The following AGBL4 variants were observed in gnomAD, a reference collection of about 807,000 sequenced individuals.
AGBL4 encodes the protein cytosolic carboxypeptidase 6.
In AGBL4, 58 loss-of-function variants were observed where a neutral mutation model predicts 66.4. That is an observed-to-expected ratio of 0.87 (90% CI 0.71 to 1.09). The LOEUF is 1.09. Among genes scored for constraint, AGBL4 ranks in the 50% least tolerant of loss-of-function variants. AGBL4 has a pLI of 0.00. For synonymous variants in AGBL4, 234 were observed against 222.9 expected, an observed-to-expected ratio of 1.05 and a Z score of -0.44; for missense variants, 579 against 631.0, an observed-to-expected ratio of 0.92 and a Z score of 0.88.
intron 5 of AGBL4, among the ~76,000 whole-genome samples, chr1:48,927,907 T>C (rs1238369018): frequency 6.6e-6 from 1 of 152,232 alleles, no homozygotes; most frequent in East Asian, 1.9e-4. Context: ...ATGCCTAATA[T>C]GCCTTTCTTA....
intron 3 of AGBL4, among the ~76,000 whole-genome samples, chr1:49,458,895 T>C (rs1027897934): frequency 1.3e-5 from 2 of 151,878 alleles, no homozygotes; most frequent in African/African-American, 4.8e-5. Context: ...CATCCCTGCA[T>C]CCCTGGTATG....
chr1:49,072,315 G>C (rs900852767), intron 4 of AGBL4, among the ~76,000 whole-genome samples: 1 of 152,164 alleles, frequency 6.6e-6, no homozygotes, highest in Non-Finnish European at 1.5e-5. Context: ...TTGCCCATTA[G>C]TTGATGCTGT....
intron 6 of AGBL4, chr1:48,776,902 C>A (rs2148711649): frequency 3.3e-6 from 1 of 301,148 alleles, no homozygotes; most frequent in South Asian, 3.7e-5. Context: ...GGGGATCCGG[C>A]GGGGGGCGCG....
At chr1:49,847,052 C>A (rs1646165810) in intron 2 of AGBL4, among the ~76,000 whole-genome samples, 1 of 152,110 alleles carries the variant, frequency 6.6e-6, no homozygotes, top group Admixed American at 6.6e-5. Context: ...CTTTATTAAC[C>A]AAAACAGCAT....
At chr1:49,399,029 T>TA (rs2148607325) in intron 3 of AGBL4, among the ~76,000 whole-genome samples, 1 of 152,142 alleles carries the variant, frequency 6.6e-6, no homozygotes, top group East Asian at 1.9e-4. Flanking sequence ...ACCATCCTTC[T>TA]ACTCTCTACA....
intron 3 of AGBL4, among the ~76,000 whole-genome samples, chr1:49,589,683 C>T (rs1169085295): frequency 6.6e-6 from 1 of 152,014 alleles, no homozygotes; most frequent in Non-Finnish European, 1.5e-5. Flanking sequence ...TCTATACTTT[C>T]TAAATGCTAG....
chr1:49,469,186 T>C (rs1646690057), intron 3 of AGBL4, among the ~76,000 whole-genome samples: 1 of 151,924 alleles, frequency 6.6e-6, no homozygotes, highest in Non-Finnish European at 1.5e-5. Flanking sequence ...CAAAAATACA[T>C]ATGTTATTAT....
chr1:48,824,063 A>G (rs913341672), intron 6 of AGBL4, among the ~76,000 whole-genome samples: 2 of 152,152 alleles, frequency 1.3e-5, no homozygotes, highest in African/African-American at 2.4e-5. Context: ...TCCAAGAGCC[A>G]TGTGTTTCTT....
chr1:49,613,248 G>A (rs1023660623), intron 3 of AGBL4, among the ~76,000 whole-genome samples: 10 of 151,814 alleles, frequency 6.6e-5, no homozygotes, highest in Non-Finnish European at 1.0e-4. Flanking sequence ...GGAAAAGAGT[G>A]GGGTAAGGGC....
At chr1:49,055,764 ATGCC>A (rs1229914845) in intron 4 of AGBL4, among the ~76,000 whole-genome samples, 1 of 152,192 alleles carries the variant, frequency 6.6e-6, no homozygotes, top group Non-Finnish European at 1.5e-5. Flanking sequence ...ATGTACATGA[ATGCC>A]TATTAATCTT....
chr1:49,662,276 A>G (rs1286706740), intron 3 of AGBL4, among the ~76,000 whole-genome samples: 1 of 151,630 alleles, frequency 6.6e-6, no homozygotes, highest in Non-Finnish European at 1.5e-5. Flanking sequence ...TAAACTTACC[A>G]AATTATACAC....
At chr1:49,998,519 T>C (rs1049325904) in intron 1 of AGBL4, among the ~76,000 whole-genome samples, 5 of 152,022 alleles carry the variant, frequency 3.3e-5, no homozygotes, top group East Asian at 1.9e-4. Flanking sequence ...CAAAGAAGAA[T>C]TGGTACCAAT....
At chr1:49,468,802 C>T (rs1359585458) in intron 3 of AGBL4, among the ~76,000 whole-genome samples, 1 of 151,726 alleles carries the variant, frequency 6.6e-6, no homozygotes, top group African/African-American at 2.4e-5. Flanking sequence ...TGCATTATCA[C>T]AATATTGACT....
chr1:49,556,622 G>T (rs867842477), intron 3 of AGBL4, among the ~76,000 whole-genome samples: 1 of 151,932 alleles, frequency 6.6e-6, no homozygotes. Context: ...GTCACCACCC[G>T]ACTCAGGAGC....
At position 49,931,952 on chromosome 1, in the gene AGBL4, C is replaced by T. The variant is rs543795036; in HGVS notation, c.35-80434G>A. On this transcript the variant is annotated intron_variant, in intron 1 of 13. Transcript: ENST00000371839. The stretch of plus-strand genomic sequence containing the variant: ...ATCCAAAATCCAAATGCTGCATAAT[C>T]CAAAATGTTTTGAACACCGACATGA... Among the ~76,000 whole-genome samples the T allele has an allele frequency of 3.4e-3, 521 of 152,128 alleles. 5 individuals carry two copies. The highest frequency in any genetic ancestry group is 0.012 in the African/African-American group (504 of 41,492).
At chr1:48,735,958 G>A (rs1328199045) in intron 6 of AGBL4, among the ~76,000 whole-genome samples, 1 of 152,020 alleles carries the variant, frequency 6.6e-6, no homozygotes, top group Admixed American at 6.5e-5. Flanking sequence ...TCCAGCTAAG[G>A]GTATCCTCCC....
intron 3 of AGBL4, among the ~76,000 whole-genome samples, chr1:49,662,548 ACC>A (rs1646290241): frequency 2.0e-5 from 3 of 152,156 alleles, no homozygotes; most frequent in Non-Finnish European, 4.4e-5. Context: ...ATGCTGTGCC[ACC>A]TGAAATAGCA....
chr1:49,951,988 C>G (rs1266689713), intron 1 of AGBL4, among the ~76,000 whole-genome samples: 1 of 151,578 alleles, frequency 6.6e-6, no homozygotes, highest in African/African-American at 2.4e-5. Flanking sequence ...ACAGAGGCTA[C>G]CAGGGTCTGG....
chr1:48,933,962 GC>G (rs1464443288), intron 5 of AGBL4, among the ~76,000 whole-genome samples: 2 of 152,164 alleles, frequency 1.3e-5, no homozygotes, highest in Non-Finnish European at 1.5e-5. Context: ...CTTAGCATGA[GC>G]CCTTGCCTCT....
Sources: gnomAD v4.1 joint callset for allele counts (sites outside exome capture counted in the v4.1 genomes callset) on GRCh38, gnomAD v4.1.1 for gene constraint, MANE v1.5 for transcripts, NCBI Gene and HGNC (gene_info 2026-07-23, HGNC 2026-07-21) for gene names.